PALLD: variants seen among roughly 807,000 people sequenced by gnomAD.
The protein encoded by PALLD is palladin, cytoskeletal associated protein, also known as palladin.
In PALLD, 61 loss-of-function variants were observed where a neutral mutation model predicts 123.5. The observed-to-expected ratio is 0.49, with a 90% CI of 0.40 to 0.61. The LOEUF is 0.61. Among genes scored for constraint, PALLD ranks in the 20% least tolerant of loss-of-function variants. The pLI, the probability that PALLD is intolerant of heterozygous loss-of-function variation, is 0.00. For missense variants in PALLD, 1,273 were observed against 1,377.0 expected (o/e 0.92, Z 1.20); for synonymous variants, 465 against 496.4 (o/e 0.94, Z 0.84).
chr4:168,714,848 C>T (rs1014143033), intron 10 of PALLD, among the ~76,000 whole-genome samples: 15 of 148,166 alleles, frequency 1.0e-4, no homozygotes, highest in African/African-American at 3.8e-4. Context: ...GAAAGAAGAT[C>T]ATTTTCAAAA....
chr4:168,908,115 G>A (rs990313319), intron 15 of PALLD, among the ~76,000 whole-genome samples: 2 of 152,176 alleles, frequency 1.3e-5, no homozygotes, highest in Non-Finnish European at 2.9e-5. Flanking sequence ...AGTAGTATTT[G>A]TTCCAAGTTT....
chr4:168,723,893 T>C (rs1032256029), intron 10 of PALLD, among the ~76,000 whole-genome samples: 8 of 123,566 alleles, frequency 6.5e-5, no homozygotes, highest in African/African-American at 2.0e-4. Context: ...GAGTTGGGCT[T>C]TTTTTTTTTT....
intron 10 of PALLD, among the ~76,000 whole-genome samples, chr4:168,849,129 T>A (rs564513642): frequency 6.6e-6 from 1 of 152,376 alleles, no homozygotes; most frequent in Non-Finnish European, 1.5e-5. Flanking sequence ...CTCCCACATG[T>A]TCACATTCCA....
In PALLD at chr4:168,733,670, G is replaced by A. The variant is rs536717026; in HGVS notation, c.1964+21747G>A. Among the ~76,000 whole-genome samples the A allele has an allele frequency of 5.9e-5, 9 of 152,230 alleles. No individual in the cohort carries two copies. The East Asian group carries it at 1.2e-3, about 20-fold the overall frequency. On this transcript the variant is annotated intron_variant, in intron 10 of 21. Coordinates refer to ENST00000505667, the MANE Select transcript of PALLD (RefSeq NM_001166108.2). Reference sequence around the variant, plus strand: ...TGGTTTTGAACTTCTGGCTTCAAGCGATCCTCCCACCTTAGCCTCCTGAAG... The same window carrying A: ...TGGTTTTGAACTTCTGGCTTCAAGCAATCCTCCCACCTTAGCCTCCTGAAG...
At chr4:168,608,405 T>C (rs182097890) in intron 2 of PALLD, among the ~76,000 whole-genome samples, 26 of 152,326 alleles carry the variant, frequency 1.7e-4, no homozygotes, top group Admixed American at 1.7e-3. Context: ...ATAGTGTTGG[T>C]CTTCATGAGA....
intron 2 of PALLD, among the ~76,000 whole-genome samples, chr4:168,627,585 G>T (rs1406812683): frequency 6.6e-6 from 1 of 152,034 alleles, no homozygotes; most frequent in Non-Finnish European, 1.5e-5. Context: ...GAGTATATAG[G>T]ATAAGACAGG....
intron 2 of PALLD, among the ~76,000 whole-genome samples, chr4:168,613,016 T>C (rs1234775559): frequency 6.6e-6 from 1 of 152,218 alleles, no homozygotes; most frequent in East Asian, 1.9e-4. Context: ...GCTTCCTGAA[T>C]ACCTTTTCCC....
chr4:168,795,072 G>A (rs1227147685), intron 10 of PALLD, among the ~76,000 whole-genome samples: 1 of 152,104 alleles, frequency 6.6e-6, no homozygotes, highest in Non-Finnish European at 1.5e-5. Context: ...GAGCTCTGGG[G>A]CTAAAACTCT....
intron 2 of PALLD, among the ~76,000 whole-genome samples, chr4:168,525,757 AG>A (rs777406002): frequency 2.0e-5 from 3 of 152,232 alleles, no homozygotes; most frequent in Non-Finnish European, 4.4e-5. Flanking sequence ...AAGAATGAGA[AG>A]AATCACTCTA....
chr4:168,707,816 G>A (rs1335204462), intron 8 of PALLD, among the ~76,000 whole-genome samples: 1 of 152,112 alleles, frequency 6.6e-6, no homozygotes, highest in Admixed American at 6.5e-5. Flanking sequence ...ATCACTTTGT[G>A]GGAACCCGAA....
intron 2 of PALLD, chr4:168,536,695 G>A (rs1765125784): frequency 6.6e-6 from 1 of 152,136 alleles, no homozygotes; most frequent in African/African-American, 2.4e-5. Context: ...GACCAGCATG[G>A]GGGAAACGAC....
At chr4:168,553,993 T>C (rs1285044875) in intron 2 of PALLD, among the ~76,000 whole-genome samples, 1 of 152,202 alleles carries the variant, frequency 6.6e-6, no homozygotes, top group African/African-American at 2.4e-5. Context: ...TTACCACATC[T>C]TTCCCTGAGT....
At chr4:168,748,137 C>CT (rs1218537967) in intron 10 of PALLD, among the ~76,000 whole-genome samples, 7 of 152,220 alleles carry the variant, frequency 4.6e-5, no homozygotes, top group African/African-American at 1.4e-4. Context: ...ATATTTTGTC[C>CT]TTTTGCCCTA....
intron 8 of PALLD, among the ~76,000 whole-genome samples, chr4:168,703,226 A>C (rs1440170577): frequency 6.9e-6 from 1 of 145,884 alleles, no homozygotes; most frequent in Non-Finnish European, 1.5e-5. Context: ...TGTCCCTACA[A>C]AGGACATGAA....
intron 2 of PALLD, among the ~76,000 whole-genome samples, chr4:168,531,561 G>A (rs1260978414): frequency 1.3e-5 from 2 of 152,162 alleles, no homozygotes; most frequent in African/African-American, 4.8e-5. Flanking sequence ...CTGTCCCCAT[G>A]ACGGAAGAAA....
At chr4:168,812,644 A>T (rs1361997204) in intron 10 of PALLD, among the ~76,000 whole-genome samples, 1 of 152,174 alleles carries the variant, frequency 6.6e-6, no homozygotes. Flanking sequence ...ATCTCAGGAG[A>T]TATTTCTGCA....
rs1244776142 is a variant in PALLD at position 168,878,378 on chromosome 4, A to G, written c.1965-12544A>G. 4 of 1,507,498 alleles carry G rather than the reference A, an allele frequency of 2.7e-6. No individual in the cohort carries two copies. Among genetic ancestry groups the G allele is most frequent in the Non-Finnish European group, 8.8e-7 (1 of 1,134,688 alleles). The allele number at this position is 1,507,498 out of a possible 1,614,324, so 93.4% of individuals were successfully genotyped here. On this transcript the variant is annotated intron_variant, in intron 10 of 21. Transcript: ENST00000505667. ...GGCCGTCAACGCCCTGGGGCTGCCC[A>G]AGGGTGTCACCCCCGCGTGAGTAAC...
chr4:168,539,076 AG>A (rs1205945688), intron 2 of PALLD, among the ~76,000 whole-genome samples: 35 of 152,240 alleles, frequency 2.3e-4, no homozygotes, highest in Admixed American at 2.2e-3. Flanking sequence ...GAAATTGTTA[AG>A]AACATTGTGA....
At chr4:168,764,940 C>T (rs1733460777) in intron 10 of PALLD, among the ~76,000 whole-genome samples, 1 of 152,160 alleles carries the variant, frequency 6.6e-6, no homozygotes, top group Admixed American at 6.5e-5. Context: ...CATCGGATAA[C>T]TTTTTCTCAT....
Sources: gnomAD v4.1 joint callset for allele counts (sites outside exome capture counted in the v4.1 genomes callset) on GRCh38, gnomAD v4.1.1 for gene constraint, MANE v1.5 for transcripts, NCBI Gene and HGNC (gene_info 2026-07-23, HGNC 2026-07-21) for gene names.